Variants in ZNF583 observed in about 807,000 individuals in gnomAD.
The protein encoded by ZNF583 is zinc finger protein L3-5.
Under a neutral mutation model 55.3 loss-of-function variants are expected in ZNF583, and 30 were observed. The ratio of observed to expected loss-of-function variants is 0.54; its 90% CI spans 0.41 to 0.74. The LOEUF (loss-of-function observed/expected upper bound fraction) is 0.74, where lower values mean the gene tolerates loss of function less well. ZNF583 is among the 30% of genes least tolerant of loss of function. The probability of loss-of-function intolerance (pLI) is 0.00; values close to 1 mark genes in which losing one functional copy is unlikely to be tolerated. For synonymous variants in ZNF583, 208 were observed against 220.0 expected (o/e 0.95, Z 0.48); for missense variants, 504 against 664.7 (o/e 0.76, Z 2.66).
chr19:56,405,065 ATGTGTGGT>A (rs1218853306), intron 1 of ZNF583, among the ~76,000 whole-genome samples: 1 of 151,992 alleles, frequency 6.6e-6, no homozygotes, highest in African/African-American at 2.4e-5. Context: ...GTGTGAGGCT[ATGTGTGGT>A]TGTGTACGGT....
chr19:56,419,772 G>A (rs914978551), intron 4 of ZNF583, among the ~76,000 whole-genome samples: 2 of 152,126 alleles, frequency 1.3e-5, no homozygotes, highest in Non-Finnish European at 2.9e-5. Flanking sequence ...AGAGATTTCT[G>A]TGTTTCATCT....
In ZNF583 at chr19:56,425,054, T is replaced by G. The variant is rs1456339998; in HGVS notation, c.*686T>G. The G allele has an allele frequency of 6.6e-6, 1 of 151,972 alleles. No homozygotes were observed. The highest frequency in any genetic ancestry group is 2.4e-5 in the African/African-American group (1 of 41,384). The allele number at this position is 151,972 out of a possible 1,614,324, so 9.4% of individuals were successfully genotyped here. ...CTCAGGACTGAGAGATTGTGAAGTT[T>G]TTTTTTTTTTAGGAATGGTAGGCAT... On this transcript the variant is annotated 3_prime_UTR_variant, in exon 5 of 5. Coordinates refer to ENST00000333201, the MANE Select transcript of ZNF583 (RefSeq NM_152478.3).
Position 56,423,410 on chromosome 19 carries a change from A to G in ZNF583, c.752A>G (p.Gln251Arg), listed in dbSNP as rs766954704. 6.2e-7 allele frequency: 1 copy of G among 1,614,060 alleles called. No individual in the cohort carries two copies. ...GTTGAATGTGGGAAAACGTTCAGCC[A>G]GAGTGCAAACTTGGCGCAACATAAG... ...ACVECGKTFS[Q>R]SANLAQHKRI... The change falls in exon 5 of 5, where the codon CAG (glutamine) becomes CGG (arginine). Residue 251 changes from glutamine (Q) to arginine (R), a missense_variant. Transcript: ENST00000333201.
In ZNF583 at chr19:56,423,664, G is replaced by A. The variant is rs1413262711; in HGVS notation, c.1006G>A (p.Gly336Ser). ...TGAATGTGGAAAGGCCTTTAGTAAT[G>A]GTTCATTTCTTGCTCAGCATCAGAG... Reference protein sequence around the residue: ...CIECGKAFSNGSFLAQHQRIH... With the variant: ...CIECGKAFSNSSFLAQHQRIH... The change falls in exon 5 of 5, where the codon GGT becomes AGT. Residue 336 changes from glycine (G) to serine (S), a missense_variant. Coordinates refer to ENST00000333201, the MANE Select transcript of ZNF583 (RefSeq NM_152478.3). 3.1e-6 allele frequency: 5 copies of A among 1,612,396 alleles called. No homozygotes were observed. The highest frequency in any genetic ancestry group is 4.2e-6 in the Non-Finnish European group (5 of 1,179,602).
chr19:56,407,166 T>A (rs1430769733), intron 2 of ZNF583, 43 bp downstream of exon 2: 1 of 1,610,474 alleles, frequency 6.2e-7, no homozygotes, highest in Non-Finnish European at 8.5e-7. Flanking sequence ...TGCCATCTTA[T>A]TTTTTAGGTT....
At chr19:56,407,168 T>G in intron 2 of ZNF583, 45 bp downstream of exon 2, 2 of 1,611,156 alleles carry the variant, frequency 1.2e-6, no homozygotes, top group Non-Finnish European at 1.7e-6. Context: ...CCATCTTATT[T>G]TTTAGGTTAT....
intron 2 of ZNF583, among the ~76,000 whole-genome samples, chr19:56,412,520 T>C (rs2042254694): frequency 6.6e-6 from 1 of 152,224 alleles, no homozygotes; most frequent in Non-Finnish European, 1.5e-5. Flanking sequence ...GTAGATATTT[T>C]TTGATGCATT....
intron 4 of ZNF583, chr19:56,414,861 C>CAACAAAAAAAAA (rs2042294167): frequency 1.6e-5 from 1 of 64,276 alleles, no homozygotes; most frequent in Non-Finnish European, 3.4e-5. Flanking sequence ...ACTAAAAATA[C>CAACAAAAAAAAA]AAAAAAAAAA....
At chr19:56,412,060 G>T (rs1460462428) in intron 2 of ZNF583, among the ~76,000 whole-genome samples, 1 of 152,190 alleles carries the variant, frequency 6.6e-6, no homozygotes, top group East Asian at 1.9e-4. Context: ...TGGGATCCTG[G>T]AGTTTGCTGC....
chr19:56,423,839 A>G lies in ZNF583; in HGVS notation c.1181A>G (p.His394Arg). 6.2e-7 allele frequency: 1 copy of G among 1,613,960 alleles called. No homozygotes were observed. Among genetic ancestry groups the G allele is most frequent in the Non-Finnish European group, 8.5e-7 (1 of 1,179,942 alleles). Residue 394 changes from histidine (H) to arginine (R), a missense_variant, in exon 5 of 5, where the codon CAC becomes CGC. His to Arg is a conservative substitution (Grantham distance 29). Transcript: ENST00000333201. Reference protein sequence around the residue: ...ECRKAFSQYAHLAQHQRVHTG... With the variant: ...ECRKAFSQYARLAQHQRVHTG... ...AGGAAAGCCTTCAGCCAGTATGCAC[A>G]CCTTGCTCAACATCAGAGAGTTCAT...
rs113015665 is a variant in ZNF583 at position 56,419,189 on chromosome 19, G to C, written c.233-3702G>C. On this transcript the variant is annotated intron_variant, in intron 4 of 4. Transcript: ENST00000333201. ...TGTACATGTGCTACATTGGTCTGCAGGTTTACTTTTTTTTTTTTTTTTTTT... is the reference window on the plus strand; with the variant it reads ...TGTACATGTGCTACATTGGTCTGCACGTTTACTTTTTTTTTTTTTTTTTTT... 2.5e-3 allele frequency among the ~76,000 whole-genome samples: 348 copies of C among 142,032 alleles called. 1 individual carries two copies. Among genetic ancestry groups the C allele is most frequent in the African/African-American group, 8.7e-3 (336 of 38,716 alleles). 93.2% of individuals were successfully genotyped at this position (142,032 alleles called of 152,430 possible).
rs1245628474 is a variant in ZNF583, at chr19:56,425,410, A to C, written c.*1042A>C. On this transcript the variant is annotated 3_prime_UTR_variant, in exon 5 of 5. Transcript: ENST00000333201. ...TTTTTAGTAGAGAGAGGGTTTTGACATGTCGGCCAGGCTTTTCTCTAACTC... is the reference window on the plus strand; with the variant it reads ...TTTTTAGTAGAGAGAGGGTTTTGACCTGTCGGCCAGGCTTTTCTCTAACTC... 6.6e-6 allele frequency: 1 copy of C among 152,140 alleles called. No individual in the cohort carries two copies. The highest frequency in any genetic ancestry group is 1.5e-5 in the Non-Finnish European group (1 of 68,082). The allele number at this position is 152,140 out of a possible 1,614,324, so 9.4% of individuals were successfully genotyped here.
Position 56,425,571 on chromosome 19 carries a change from A to C in ZNF583, c.*1203A>C, listed in dbSNP as rs1481316908. 6.6e-6 allele frequency: 1 copy of C among 152,242 alleles called. No homozygotes were observed. Among genetic ancestry groups the C allele is most frequent in the Non-Finnish European group, 1.5e-5 (1 of 68,050 alleles). The allele number at this position is 152,242 out of a possible 1,614,324, so 9.4% of individuals were successfully genotyped here. A position where few individuals can be genotyped will look rare whatever the true frequency, so the allele number is the denominator to read the frequency against. ...GTATTCATCATTTACATGTAAACAA[A>C]GGCAAAATCGAAATTAAAAAGAAAT... On this transcript the variant is annotated 3_prime_UTR_variant, in exon 5 of 5. Transcript: ENST00000333201.
intron 4 of ZNF583, among the ~76,000 whole-genome samples, chr19:56,418,783 TA>T (rs1471387723): frequency 1.3e-5 from 2 of 152,186 alleles, no homozygotes; most frequent in African/African-American, 2.4e-5. Flanking sequence ...ACCTCCTATA[TA>T]ATGTGTAATT....
chr19:56,417,289 C>A (rs1454704483), intron 4 of ZNF583, among the ~76,000 whole-genome samples: 1 of 152,110 alleles, frequency 6.6e-6, no homozygotes, highest in Non-Finnish European at 1.5e-5. Flanking sequence ...AGGAATTATA[C>A]CATTCTTCTA....
chr19:56,414,371 A>C lies in ZNF583; in HGVS notation c.163A>C (p.Ile55Leu), dbSNP rs549687563. The change falls in exon 4 of 5, where the codon ATC (isoleucine) becomes CTC (leucine). Residue 55 changes from isoleucine to leucine, a missense_variant. By Grantham distance (5) the Ile-to-Leu change is conservative. Transcript: ENST00000333201. ...AGTTTCTGTTTCTAAGCCAGATGTG[A>C]TCTCATTATTGGAGCAAGGAAAAGA... is the stretch of plus-strand genomic sequence containing the variant. The part of the protein sequence containing the change: ...LGVSVSKPDV[I>L]SLLEQGKEPW... 1 of 1,614,050 alleles carries C rather than the reference A, an allele frequency of 6.2e-7. No homozygotes were observed. Among genetic ancestry groups the C allele is most frequent in the Admixed American group, 1.7e-5 (1 of 59,992 alleles).
intron 1 of ZNF583, among the ~76,000 whole-genome samples, chr19:56,405,842 T>C (rs1012629829): frequency 8.5e-5 from 13 of 152,224 alleles, no homozygotes; most frequent in African/African-American, 3.1e-4. Context: ...ATTTCACTGA[T>C]AGAGAAACAG....
intron 4 of ZNF583, chr19:56,414,816 C>T (rs1405987468): frequency 6.8e-6 from 1 of 147,264 alleles, no homozygotes; most frequent in Non-Finnish European, 1.4e-5. Flanking sequence ...CACTTGAGCC[C>T]AGGAGTTCGA....
At chr19:56,412,899 A>G (rs1452592967) in intron 2 of ZNF583, among the ~76,000 whole-genome samples, 3 of 151,986 alleles carry the variant, frequency 2.0e-5, no homozygotes, top group Non-Finnish European at 4.4e-5. Flanking sequence ...GTTTTGATTC[A>G]GATACCTTTT....
Sources: gnomAD v4.1 joint callset for allele counts (sites outside exome capture counted in the v4.1 genomes callset) on GRCh38, gnomAD v4.1.1 for gene constraint, MANE v1.5 for transcripts, NCBI Gene and HGNC (gene_info 2026-07-23, HGNC 2026-07-21) for gene names.